BTBD16: variants seen among roughly 807,000 people sequenced by gnomAD.
BTBD16 encodes BTB domain containing 16.
In BTBD16, 66 loss-of-function variants were observed where a neutral mutation model predicts 67.4. The ratio of observed to expected loss-of-function variants is 0.98; its 90% CI spans 0.80 to 1.20. BTBD16 has a LOEUF of 1.20. BTBD16 is among the 50% of genes most tolerant of loss of function. The pLI, the probability that BTBD16 is intolerant of heterozygous loss-of-function variation, is 0.00. For missense variants in BTBD16, 634 were observed against 616.0 expected (o/e 1.03, Z -0.31); for synonymous variants, 242 against 236.4 (o/e 1.02, Z -0.22).
chr10:122,294,287 C>T (rs559204091), intron 7 of BTBD16: 13 of 893,038 alleles, frequency 1.5e-5, no homozygotes, highest in Admixed American at 6.2e-5. Context: ...AGCATCACAA[C>T]GTTCAGGTGC....
chr10:122,331,182 A>T lies in BTBD16; in HGVS notation c.1010A>T (p.Asp337Val). ...TCTTTGCGTTTCTTCCCAGGCAAGG[A>T]TCTGGAGGTGCTGCGGCACCTTAAC... ...LRLHGITKGKDLEVLRHLNFF... is the reference protein window; with the variant it reads ...LRLHGITKGKVLEVLRHLNFF... The change falls in exon 12 of 16, where the codon GAT becomes GTT. Residue 337 changes from aspartate (D) to valine (V), a missense_variant. Physicochemically the swap from Asp to Val is radical, Grantham distance 152. Coordinates refer to ENST00000260723, the MANE Select transcript of BTBD16 (RefSeq NM_144587.5). The T allele has an allele frequency of 6.2e-7, 1 of 1,612,994 alleles. No individual in the cohort carries two copies. The highest frequency in any genetic ancestry group is 8.5e-7 in the Non-Finnish European group (1 of 1,179,676).
chr10:122,289,952 G>A lies in BTBD16; in HGVS notation c.429G>A (p.Arg143=), dbSNP rs1394071743. 10 of 1,613,646 alleles carry A rather than the reference G, an allele frequency of 6.2e-6. No homozygotes were observed. The change falls in exon 6 of 16, where the codon AGG becomes AGA. Residue 143 remains arginine (R), a synonymous_variant. Coordinates refer to ENST00000260723, the MANE Select transcript of BTBD16 (RefSeq NM_144587.5). The part of the protein sequence containing the change: ...KKTKEKSPAK[R]IIISLKINDP... ...CCAAAGAAAAATCCCCTGCAAAGAG[G>A]ATCATCATTTCCTTGAAGATCAATG...
chr10:122,294,914 G>A (rs766691194), intron 7 of BTBD16, among the ~76,000 whole-genome samples: 1 of 152,222 alleles, frequency 6.6e-6, no homozygotes, highest in Non-Finnish European at 1.5e-5. Context: ...TGTAGGTTTC[G>A]ACAGACAAAA....
intron 9 of BTBD16, among the ~76,000 whole-genome samples, chr10:122,304,461 G>T (rs1459949157): frequency 6.6e-6 from 1 of 152,072 alleles, no homozygotes; most frequent in Non-Finnish European, 1.5e-5. Flanking sequence ...TGTTGAAATG[G>T]CTCCATAGAT....
rs1249149158 is a variant in BTBD16 at position 122,271,349 on chromosome 10, TAAG to T, written c.-202_-200del. 4 of 152,126 alleles carry T rather than the reference TAAG, an allele frequency of 2.6e-5. No individual in the cohort carries two copies. Among genetic ancestry groups the T allele is most frequent in the African/African-American group, 9.7e-5 (4 of 41,426 alleles). The allele number at this position is 152,126 out of a possible 1,614,324, so 9.4% of individuals were successfully genotyped here. On this transcript the variant is annotated 5_prime_UTR_variant, in exon 1 of 16. Coordinates refer to ENST00000260723, the MANE Select transcript of BTBD16 (RefSeq NM_144587.5). ...CCCCCTGTCAAAGCACCTTGGCCCA[TAAG>T]AAGAAAAGGGGGAGCCCCAGATGTG...
At chr10:122,304,331 G>T (rs962410009) in intron 9 of BTBD16, among the ~76,000 whole-genome samples, 3 of 152,176 alleles carry the variant, frequency 2.0e-5, no homozygotes, top group African/African-American at 7.2e-5. Flanking sequence ...GTCACGGTTT[G>T]TCTTTGGTGC....
At chr10:122,283,435 A>G (rs1271372169) in intron 3 of BTBD16, among the ~76,000 whole-genome samples, 1 of 152,164 alleles carries the variant, frequency 6.6e-6, no homozygotes, top group Non-Finnish European at 1.5e-5. Context: ...CACACTGAGA[A>G]TGGGACCTGT....
At chr10:122,300,969 A>T (rs1359268762) in intron 9 of BTBD16, among the ~76,000 whole-genome samples, 2 of 152,176 alleles carry the variant, frequency 1.3e-5, no homozygotes, top group African/African-American at 4.8e-5. Flanking sequence ...ACGTTTACAG[A>T]GATGGGAGGC....
At chr10:122,315,746 G>C (rs1176590101) in intron 10 of BTBD16, among the ~76,000 whole-genome samples, 3 of 152,052 alleles carry the variant, frequency 2.0e-5, no homozygotes, top group Non-Finnish European at 4.4e-5. Flanking sequence ...GTTTTTCAAG[G>C]AACGTGTACT....
chr10:122,325,816 C>T (rs909214848), intron 10 of BTBD16, among the ~76,000 whole-genome samples: 6 of 152,058 alleles, frequency 3.9e-5, no homozygotes, highest in Admixed American at 6.6e-5. Context: ...GCTGGGATTA[C>T]AGGCACCCAC....
chr10:122,299,203 G>A (rs2096389548), intron 9 of BTBD16, 69 bp downstream of exon 9: 4 of 1,566,636 alleles, frequency 2.6e-6, no homozygotes, highest in East Asian at 2.3e-5. Flanking sequence ...AGGCTGGGGA[G>A]GGAGGTGCTC....
intron 7 of BTBD16, chr10:122,295,180 G>T (rs2096380871): frequency 7.0e-6 from 3 of 429,224 alleles, no homozygotes; most frequent in Non-Finnish European, 9.3e-6. Flanking sequence ...AGGGAGGTAA[G>T]GAACCAGGTA....
intron 10 of BTBD16, among the ~76,000 whole-genome samples, chr10:122,317,119 A>G (rs1298145613): frequency 1.3e-5 from 2 of 152,186 alleles, no homozygotes; most frequent in African/African-American, 4.8e-5. Context: ...CTGTGTACTT[A>G]GGCTACACTC....
At chr10:122,307,425 G>C in intron 10 of BTBD16, 117 bp downstream of exon 10, 1 of 1,118,352 alleles carries the variant, frequency 8.9e-7, no homozygotes, top group Non-Finnish European at 1.2e-6. Flanking sequence ...ATCATTCAGA[G>C]GGCACTGTTT....
rs775094360 is a variant in BTBD16, at chr10:122,331,206, A to G, written c.1034A>G (p.Asn345Ser). ...GATCTGGAGGTGCTGCGGCACCTTAACTTCTTCCCAGAGTCATGGCTCGAC... is the reference window on the plus strand; with the variant it reads ...GATCTGGAGGTGCTGCGGCACCTTAGCTTCTTCCCAGAGTCATGGCTCGAC... Reference protein sequence around the residue: ...GKDLEVLRHLNFFPESWLDQV... With the variant: ...GKDLEVLRHLSFFPESWLDQV... The change falls in exon 12 of 16, where the codon AAC (asparagine) becomes AGC (serine). Residue 345 changes from asparagine (N) to serine (S), a missense_variant. Asn to Ser is a conservative substitution (Grantham distance 46). Transcript: ENST00000260723. The G allele has an allele frequency of 1.1e-5, 17 of 1,613,252 alleles. No individual in the cohort carries two copies. The highest frequency in any genetic ancestry group is 1.4e-5 in the Non-Finnish European group (17 of 1,179,676).
intron 10 of BTBD16, chr10:122,327,648 A>G: frequency 2.0e-6 from 2 of 985,240 alleles, no homozygotes; most frequent in African/African-American, 3.5e-5. Context: ...CATCATTGCC[A>G]CTTCCCAGAG....
At chr10:122,327,853 C>T (rs1192459375) in intron 10 of BTBD16, among the ~76,000 whole-genome samples, 4 of 152,180 alleles carry the variant, frequency 2.6e-5, no homozygotes, top group African/African-American at 7.2e-5. Context: ...TCAGCAGAAC[C>T]GGCGTCTGGA....
At chr10:122,281,826 TG>T (rs1554886875) in intron 3 of BTBD16, among the ~76,000 whole-genome samples, 1 of 152,214 alleles carries the variant, frequency 6.6e-6, no homozygotes, top group Non-Finnish European at 1.5e-5. Flanking sequence ...CGTATGTCCA[TG>T]AGAAACTTAC....
intron 10 of BTBD16, among the ~76,000 whole-genome samples, chr10:122,309,359 T>G (rs2096409445): frequency 6.6e-6 from 1 of 151,786 alleles, no homozygotes; most frequent in African/African-American, 2.4e-5. Context: ...TTTGTTTTTT[T>G]TTTTGAGAAA....
Sources: gnomAD v4.1 joint callset for allele counts (sites outside exome capture counted in the v4.1 genomes callset) on GRCh38, gnomAD v4.1.1 for gene constraint, MANE v1.5 for transcripts, NCBI Gene and HGNC (gene_info 2026-07-23, HGNC 2026-07-21) for gene names.